NTM: variants seen among roughly 807,000 people sequenced by gnomAD.
NTM encodes neurotrimin, also known as IgLON family member 2.
A neutral mutation model predicts 42.1 loss-of-function variants in NTM; 13 were observed. The observed-to-expected ratio is 0.31, with a 90% CI of 0.20 to 0.49. The LOEUF is 0.49. Among genes scored for constraint, NTM ranks in the 20% least tolerant of loss-of-function variants. The probability of loss-of-function intolerance (pLI) is 0.99; values close to 1 mark genes in which losing one functional copy is unlikely to be tolerated. For missense variants in NTM, 373 were observed against 452.8 expected (o/e 0.82, Z 1.60); for synonymous variants, 187 against 179.2 (o/e 1.04, Z -0.35).
Position 131,455,349 on chromosome 11 carries a change from G to C in NTM, c.82+84461G>C, listed in dbSNP as rs371449981. Reference sequence around the variant, plus strand: ...CTCTGAAGGCTGCAGCCCCACCTCCGCACGATGAGGCTGCTGCTGGCATTC... The same window carrying C: ...CTCTGAAGGCTGCAGCCCCACCTCCCCACGATGAGGCTGCTGCTGGCATTC... On this transcript the variant is annotated intron_variant, in intron 1 of 8. Coordinates refer to ENST00000683400, the MANE Select transcript of NTM (RefSeq NM_001352005.2). 8.5e-5 allele frequency: 13 copies of C among 152,350 alleles called. No individual in the cohort carries two copies. In the East Asian group the frequency reaches 2.3e-3, roughly 27 times the overall value. 9.4% of individuals were successfully genotyped at this position (152,350 alleles called of 1,614,324 possible).
chr11:131,795,547 G>C, intron 1 of NTM: 1 of 985,416 alleles, frequency 1.0e-6, no homozygotes, highest in Non-Finnish European at 1.2e-6. Context: ...TGCTCTGTCA[G>C]GATACAGCAT....
intron 1 of NTM, among the ~76,000 whole-genome samples, chr11:131,596,414 G>A (rs1399400949): frequency 6.6e-6 from 1 of 152,220 alleles, no homozygotes; most frequent in Non-Finnish European, 1.5e-5. Flanking sequence ...TAAACAAATG[G>A]CAGTGGCTGT....
chr11:131,460,457 A>G (rs1347146175), intron 1 of NTM, among the ~76,000 whole-genome samples: 1 of 152,270 alleles, frequency 6.6e-6, no homozygotes, highest in East Asian at 1.9e-4. Flanking sequence ...TGATGAAGAA[A>G]GCAAAACCTG....
intron 3 of NTM, among the ~76,000 whole-genome samples, chr11:132,202,012 C>A (rs1046465528): frequency 2.0e-5 from 3 of 152,194 alleles, no homozygotes; most frequent in Non-Finnish European, 4.4e-5. Flanking sequence ...CATATTTCCT[C>A]TGTTTTTACT....
chr11:131,454,975 C>T (rs553965111), intron 1 of NTM, among the ~76,000 whole-genome samples: 2 of 152,262 alleles, frequency 1.3e-5, no homozygotes, highest in Admixed American at 6.5e-5. Context: ...GAAGACATCA[C>T]AATCTTTAAT....
At chr11:131,696,613 T>C (rs755850867) in intron 1 of NTM, among the ~76,000 whole-genome samples, 6 of 152,190 alleles carry the variant, frequency 3.9e-5, no homozygotes, top group Non-Finnish European at 5.9e-5. Flanking sequence ...AGCCTGATTC[T>C]CATGTGATAA....
At chr11:132,167,869 G>A (rs925165851) in intron 3 of NTM, among the ~76,000 whole-genome samples, 5 of 152,234 alleles carry the variant, frequency 3.3e-5, no homozygotes, top group African/African-American at 1.2e-4. Flanking sequence ...CAGATATCCA[G>A]ACCAGAAAGA....
At chr11:131,826,769 A>C (rs1427988214) in intron 1 of NTM, among the ~76,000 whole-genome samples, 2 of 152,032 alleles carry the variant, frequency 1.3e-5, no homozygotes, top group African/African-American at 4.8e-5. Flanking sequence ...CTGTAAGAAG[A>C]TGTATACTGG....
intron 1 of NTM, among the ~76,000 whole-genome samples, chr11:131,899,818 A>G (rs1486079431): frequency 1.3e-5 from 2 of 152,186 alleles, no homozygotes; most frequent in African/African-American, 4.8e-5. Flanking sequence ...GTCATTAAGT[A>G]TGTGTTCACT....
rs142848408 is a variant in NTM at position 132,020,187 on chromosome 11, G to A, written c.167+108539G>A. Reference sequence around the variant, plus strand: ...GATTGCCTTCCTTTTTTATGGCTGCGTAGTATTCCATGGTTTATATGTACC... The same window carrying A: ...GATTGCCTTCCTTTTTTATGGCTGCATAGTATTCCATGGTTTATATGTACC... On this transcript the variant is annotated intron_variant, in intron 2 of 8. Transcript: ENST00000683400. Among the ~76,000 whole-genome samples the A allele has an allele frequency of 2.2e-3, 336 of 152,104 alleles. 2 individuals are homozygous for A. Among genetic ancestry groups the A allele is most frequent in the Non-Finnish European group, 3.9e-3 (268 of 67,922 alleles).
Position 132,090,402 on chromosome 11 carries a change from AC to A in NTM, c.168-55877del, listed in dbSNP as rs561528483. The stretch of plus-strand genomic sequence containing the variant: ...CTCCCTTTCTGCTCAGACCTCCTGT[AC>A]CCAGGGTATGAGTCTTCCAGTGCCC... On this transcript the variant is annotated intron_variant, in intron 2 of 8. Transcript: ENST00000683400. Among the ~76,000 whole-genome samples, 51 of 152,184 alleles carry A rather than the reference AC, an allele frequency of 3.4e-4. No homozygotes were observed. The East Asian group carries it at 9.3e-3, about 28-fold the overall frequency.
intron 2 of NTM, among the ~76,000 whole-genome samples, chr11:132,010,300 C>T (rs2071833151): frequency 6.6e-6 from 1 of 152,200 alleles, no homozygotes; most frequent in Non-Finnish European, 1.5e-5. Flanking sequence ...TTTTAGCTCA[C>T]CTTGGTAACT....
At chr11:131,436,494 T>C (rs1240997300) in intron 1 of NTM, among the ~76,000 whole-genome samples, 1 of 152,204 alleles carries the variant, frequency 6.6e-6, no homozygotes, top group Non-Finnish European at 1.5e-5. Flanking sequence ...ATTCAACTTC[T>C]TCCTGGTTTA....
At chr11:131,716,422 T>C (rs2077694548) in intron 1 of NTM, among the ~76,000 whole-genome samples, 1 of 152,200 alleles carries the variant, frequency 6.6e-6, no homozygotes, top group African/African-American at 2.4e-5. Context: ...ATCGTAGGTG[T>C]ATATTTAGCT....
At chr11:131,758,577 C>A (rs1465984923) in intron 1 of NTM, among the ~76,000 whole-genome samples, 1 of 150,988 alleles carries the variant, frequency 6.6e-6, no homozygotes, top group African/African-American at 2.4e-5. Flanking sequence ...TCCTTCCTTC[C>A]TTTTTTTCTT....
intron 2 of NTM, among the ~76,000 whole-genome samples, chr11:131,929,325 G>T (rs186333663): frequency 2.1e-4 from 23 of 111,812 alleles, no homozygotes; most frequent in Non-Finnish European, 3.9e-4. Flanking sequence ...TGAACCAACG[G>T]GGGGGCACAT....
At chr11:131,675,779 G>A (rs897110326) in intron 1 of NTM, among the ~76,000 whole-genome samples, 1 of 152,162 alleles carries the variant, frequency 6.6e-6, no homozygotes, top group East Asian at 1.9e-4. Flanking sequence ...CTGTGGTTTT[G>A]TGTGTCGTCT....
At position 131,793,249 on chromosome 11, in the gene NTM, G is replaced by GT. The variant is rs568184243; in HGVS notation, c.83-118308dup. ...ATGCTACTATTATTTGGTTGCTATCGTTTTTTTCATTGTTACTATTAATGA... is the reference window on the plus strand; with the variant it reads ...ATGCTACTATTATTTGGTTGCTATCGTTTTTTTTCATTGTTACTATTAATGA... On this transcript the variant is annotated intron_variant, in intron 1 of 8. Transcript: ENST00000683400. 2.9e-3 allele frequency among the ~76,000 whole-genome samples: 440 copies of GT among 152,256 alleles called. 6 individuals are homozygous for GT. Among genetic ancestry groups the GT allele is most frequent in the African/African-American group, 0.01 (417 of 41,560 alleles).
chr11:131,398,794 C>G (rs1353247982), intron 1 of NTM, among the ~76,000 whole-genome samples: 4 of 152,194 alleles, frequency 2.6e-5, no homozygotes, highest in African/African-American at 4.8e-5. Flanking sequence ...GACCCCGCAT[C>G]CAGTTAGTAA....
Sources: gnomAD v4.1 joint callset for allele counts (sites outside exome capture counted in the v4.1 genomes callset) on GRCh38, gnomAD v4.1.1 for gene constraint, MANE v1.5 for transcripts, NCBI Gene and HGNC (gene_info 2026-07-23, HGNC 2026-07-21) for gene names.